Variants in DEF8 observed in about 807,000 individuals in gnomAD.
DEF8 encodes DEF-8.
Under a neutral mutation model 59.1 loss-of-function variants are expected in DEF8, and 38 were observed. The ratio of observed to expected loss-of-function variants is 0.64; its 90% CI spans 0.50 to 0.84. DEF8 has a LOEUF of 0.84. DEF8 is among the 40% of genes least tolerant of loss of function. DEF8 has a pLI of 0.00. For synonymous variants in DEF8, 265 were observed against 250.1 expected, an observed-to-expected ratio of 1.06 and a Z score of -0.56; for missense variants, 557 against 615.2, an observed-to-expected ratio of 0.91 and a Z score of 1.00.
Position 89,961,047 on chromosome 16 carries a change from G to C in DEF8, c.631G>C (p.Asp211His). ...GAACATCTGCCCTGAGACAGGGCTG[G>C]ACAGCCAGGATTACCGCTGTGCCGA... ...ELNICPETGLDSQDYRCAECR... is the reference protein window; with the variant it reads ...ELNICPETGLHSQDYRCAECR... Residue 211 changes from aspartate to histidine, a missense_variant, in exon 7 of 13, where the codon GAC becomes CAC. Physicochemically the swap from Asp to His is moderately conservative, Grantham distance 81. Transcript: ENST00000563594. 1.2e-6 allele frequency: 2 copies of C among 1,614,092 alleles called. No individual in the cohort carries two copies. The highest frequency in any genetic ancestry group is 1.7e-6 in the Non-Finnish European group (2 of 1,180,002).
In DEF8 at chr16:89,962,028, T is replaced by C. The variant is rs1349971672; in HGVS notation, c.824T>C (p.Met275Thr). Residue 275 changes from methionine to threonine, a missense_variant, in exon 9 of 13, where the codon ATG becomes ACG. Coordinates refer to ENST00000563594, the MANE Select transcript of DEF8 (RefSeq NM_001242818.2). ...GCCTGGCAGGTTTCTCGCTGCAGCA[T>C]GCGCTACCTGGCGCTGATGGTGTCT... The part of the protein sequence containing the change: ...FEPRKVSRCS[M>T]RYLALMVSRP... 1.2e-6 allele frequency: 2 copies of C among 1,614,040 alleles called. No individual in the cohort carries two copies. Among genetic ancestry groups the C allele is most frequent in the East Asian group, 2.2e-5 (1 of 44,884 alleles).
Position 89,961,081 on chromosome 16 carries a change from C to T in DEF8, c.665C>T (p.Ala222Val), listed in dbSNP as rs7205299. The change falls in exon 7 of 13, where the codon GCG becomes GTG. Residue 222 changes from alanine (A) to valine (V), a missense_variant. Transcript: ENST00000563594. ...SQDYRCAECR[A>V]PISLRGVPSE... Reference sequence around the variant, plus strand: ...GATTACCGCTGTGCCGAGTGCCGGGCGCCCATCTCTCTGCGTGAGTGGTGG... The same window carrying T: ...GATTACCGCTGTGCCGAGTGCCGGGTGCCCATCTCTCTGCGTGAGTGGTGG... The T allele has an allele frequency of 1.4e-4, 221 of 1,611,818 alleles. 2 individuals are homozygous for T. The African/African-American group carries it at 1.9e-3, about 14-fold the overall frequency.
rs1469251244 is a variant in DEF8 at position 89,967,733 on chromosome 16, T to A, written c.*1770T>A. 2.8e-6 allele frequency: 1 copy of A among 357,794 alleles called. No individual in the cohort carries two copies. Among genetic ancestry groups the A allele is most frequent in the Admixed American group, 4.7e-5 (1 of 21,288 alleles). 22.2% of individuals were successfully genotyped at this position (357,794 alleles called of 1,614,324 possible). ...GATATTAGCCATTCCGAAATCTGTGTAATCAACTTCACATTATTCAAGTTA... is the reference window on the plus strand; with the variant it reads ...GATATTAGCCATTCCGAAATCTGTGAAATCAACTTCACATTATTCAAGTTA... On this transcript the variant is annotated 3_prime_UTR_variant, in exon 13 of 13. Transcript: ENST00000563594.
At position 89,957,589 on chromosome 16, in the gene DEF8, G is replaced by A. The variant is rs749904744; in HGVS notation, c.301G>A (p.Glu101Lys). 372 of 1,585,750 alleles carry A rather than the reference G, an allele frequency of 2.3e-4. 1 individual carries two copies. Among genetic ancestry groups the A allele is most frequent in the Non-Finnish European group, 2.9e-4 (334 of 1,166,608 alleles). ...CAAGCAGGTGATTCTGGAGCTGCCC[G>A]AGCAGTCGGAGAAGCAGAAGGATGC... The part of the protein sequence containing the change: ...ECKQVILELP[E>K]QSEKQKDAVV... The change falls in exon 5 of 13, where the codon GAG becomes AAG. Residue 101 changes from glutamate (E) to lysine (K), a missense_variant. By Grantham distance (56) the Glu-to-Lys change is moderately conservative. Transcript: ENST00000563594.
At chr16:89,965,366 T>A (rs951251126) in intron 12 of DEF8, among the ~76,000 whole-genome samples, 1 of 152,234 alleles carries the variant, frequency 6.6e-6, no homozygotes, top group Non-Finnish European at 1.5e-5. Flanking sequence ...TACAGAGCGA[T>A]GGTGTCACAC....
At chr16:89,950,199 A>G (rs2031748358) in intron 2 of DEF8, 3 of 986,342 alleles carry the variant, frequency 3.0e-6, no homozygotes, top group Non-Finnish European at 3.6e-6. Flanking sequence ...CCCCAGGCGT[A>G]GCTCCTGCAC....
At chr16:89,965,594 C>G (rs892405969) in intron 12 of DEF8, among the ~76,000 whole-genome samples, 5 of 152,148 alleles carry the variant, frequency 3.3e-5, no homozygotes, top group Non-Finnish European at 7.4e-5. Context: ...TCTGGCGTGG[C>G]CACCTGGCTC....
At position 89,963,537 on chromosome 16, in the gene DEF8, G is replaced by C. The variant is rs1382895368; in HGVS notation, c.1002+94G>C. ...GGTTTTTTCCGGACAGCTTGTGCGT[G>C]GAGTGCCTTTAGCAGAGGGTCGCCT... On this transcript the variant is annotated intron_variant, in intron 10 of 12. Coordinates refer to ENST00000563594, the MANE Select transcript of DEF8 (RefSeq NM_001242818.2). 20 of 1,058,114 alleles carry C rather than the reference G, an allele frequency of 1.9e-5. 1 individual carries two copies. Among genetic ancestry groups the C allele is most frequent in the Middle Eastern group, 2.5e-4 (1 of 3,938 alleles). The allele number at this position is 1,058,114 out of a possible 1,614,324, so 65.5% of individuals were successfully genotyped here.
chr16:89,955,036 G>C (rs1436206961), intron 3 of DEF8, 133 bp from the exon 4 acceptor site: 3 of 659,826 alleles, frequency 4.5e-6, no homozygotes, highest in Non-Finnish European at 5.4e-6. Flanking sequence ...GTGGTGCCCA[G>C]CTCTCACGGT....
Position 89,961,044 on chromosome 16 carries a change from C to T in DEF8, c.628C>T (p.Leu210=), listed in dbSNP as rs770422038. 1 of 1,614,106 alleles carries T rather than the reference C, an allele frequency of 6.2e-7. No individual in the cohort carries two copies. Among genetic ancestry groups the T allele is most frequent in the South Asian group, 1.1e-5 (1 of 91,084 alleles). The part of the protein sequence containing the change: ...YELNICPETG[L]DSQDYRCAEC... ...ACTGAACATCTGCCCTGAGACAGGG[C>T]TGGACAGCCAGGATTACCGCTGTGC... Residue 210 remains leucine (L), a synonymous_variant, in exon 7 of 13, where the codon CTG becomes TTG. Transcript: ENST00000563594.
rs924822145 is a variant in DEF8 at position 89,954,838 on chromosome 16, G to A, written c.125-331G>A. ...GGATTTTGCTGTGTAGCCATGCAGT[G>A]GTTTTTCTCTCGCCCCCGTGGTCAC... On this transcript the variant is annotated intron_variant, in intron 3 of 12. Coordinates refer to ENST00000563594, the MANE Select transcript of DEF8 (RefSeq NM_001242818.2). The surrounding 1 kb of genome is among the most constrained non-coding windows in gnomAD (Gnocchi z 4.3). Among the ~76,000 whole-genome samples the A allele has an allele frequency of 4.6e-5, 7 of 152,140 alleles. No individual in the cohort carries two copies. The highest frequency in any genetic ancestry group is 6.5e-5 in the Admixed American group (1 of 15,270).
intron 10 of DEF8, 194 bp from the exon 11 acceptor site, chr16:89,963,976 G>T (rs1461895893): frequency 1.4e-6 from 1 of 734,914 alleles, no homozygotes; most frequent in Non-Finnish European, 2.4e-6. Flanking sequence ...GGCTACACAG[G>T]TCAGGAAACG....
intron 2 of DEF8, chr16:89,949,721 T>A: frequency 7.4e-7 from 1 of 1,344,230 alleles, no homozygotes; most frequent in Non-Finnish European, 1.0e-6. Flanking sequence ...CGGCTTCCTT[T>A]CATTGCTAAG....
At chr16:89,961,127 G>A (rs1288295110) in intron 7 of DEF8, 32 bp downstream of exon 7, 1 of 1,596,592 alleles carries the variant, frequency 6.3e-7, no homozygotes, top group South Asian at 1.1e-5. Flanking sequence ...AGAGGGTGAG[G>A]GAGCTGTTCC....
At chr16:89,953,467 C>G (rs1330804056) in intron 2 of DEF8, among the ~76,000 whole-genome samples, 1 of 152,100 alleles carries the variant, frequency 6.6e-6, no homozygotes, top group Non-Finnish European at 1.5e-5. Context: ...GAGCTTCTGC[C>G]ACGTGGAGAA....
chr16:89,959,711 A>G (rs775035886), intron 6 of DEF8, among the ~76,000 whole-genome samples: 2 of 152,166 alleles, frequency 1.3e-5, no homozygotes, highest in African/African-American at 2.4e-5. Context: ...GTTAGCCAGG[A>G]TGGTCTCTAT....
In DEF8 at chr16:89,961,035, G is replaced by A; in HGVS notation, c.619G>A (p.Glu207Lys). The A allele has an allele frequency of 6.2e-7, 1 of 1,614,144 alleles. No homozygotes were observed. The highest frequency in any genetic ancestry group is 8.5e-7 in the Non-Finnish European group (1 of 1,180,024). ...TGAATACGAACTGAACATCTGCCCT[G>A]AGACAGGGCTGGACAGCCAGGATTA... ...QAEYELNICP[E>K]TGLDSQDYRC... The change falls in exon 7 of 13, where the codon GAG (glutamate) becomes AAG (lysine). Residue 207 changes from glutamate (E) to lysine (K), a missense_variant. Glu to Lys is a moderately conservative substitution (Grantham distance 56, BLOSUM62 1). Coordinates refer to ENST00000563594, the MANE Select transcript of DEF8 (RefSeq NM_001242818.2).
rs1451193760 is a variant in DEF8, at chr16:89,949,478, T to C, written c.-46T>C. 1 of 1,612,314 alleles carries C rather than the reference T, an allele frequency of 6.2e-7. No homozygotes were observed. Among genetic ancestry groups the C allele is most frequent in the African/African-American group, 1.3e-5 (1 of 74,836 alleles). ...CAGCCCTAGAGGAATGGCCATCCTG[T>C]CCCTGCGAGCCCCTGGGCCCTGGCA... On this transcript the variant is annotated 5_prime_UTR_variant, in exon 2 of 13. Coordinates refer to ENST00000563594, the MANE Select transcript of DEF8 (RefSeq NM_001242818.2).
Position 89,949,079 on chromosome 16 carries a change from A to ACGGGGCCGGCGGGGT in DEF8, c.-108+279_-108+280insTCGGGGCCGGCGGGG, listed in dbSNP as rs1203609885. 5.9e-3 allele frequency among the ~76,000 whole-genome samples: 202 copies of ACGGGGCCGGCGGGGT among 34,006 alleles called. 41 individuals carry two copies. The highest frequency in any genetic ancestry group is 0.028 in the African/African-American group (174 of 6,116). The allele number at this position is 34,006 out of a possible 152,430, so 22.3% of individuals were successfully genotyped here. A position where few individuals can be genotyped will look rare whatever the true frequency, so the allele number is the denominator to read the frequency against. On this transcript the variant is annotated intron_variant, in intron 1 of 12. Coordinates refer to ENST00000563594, the MANE Select transcript of DEF8 (RefSeq NM_001242818.2). ...GCTGGGAGGGACGGGGCCGGCGGGGACGGGGCCGGCGGGGACGGGGCCGGC... is the reference window on the plus strand; with the variant it reads ...GCTGGGAGGGACGGGGCCGGCGGGGACGGGGCCGGCGGGGTCGGGGCCGGCGGGGACGGGGCCGGC...
Sources: gnomAD v4.1 joint callset for allele counts (sites outside exome capture counted in the v4.1 genomes callset) on GRCh38, gnomAD v4.1.1 for gene constraint, Gnocchi (gnomAD v3.1) non-coding constraint, MANE v1.5 for transcripts, NCBI Gene and HGNC (gene_info 2026-07-23, HGNC 2026-07-21) for gene names.